USP8: variants seen among roughly 807,000 people sequenced by gnomAD.
USP8 encodes the protein ubiquitin specific peptidase 8.
Under a neutral mutation model 130.0 loss-of-function variants are expected in USP8, and 27 were observed. The ratio of observed to expected loss-of-function variants is 0.21; its 90% CI spans 0.15 to 0.29. USP8 has a LOEUF of 0.29. USP8 is among the 10% of genes least tolerant of loss of function. USP8 has a pLI of 1.00. For synonymous variants in USP8, 392 were observed against 444.1 expected (o/e 0.88, Z 1.48); for missense variants, 1,029 against 1,312.2 (o/e 0.78, Z 3.33).
rs373688387 is a variant in USP8, at chr15:50,471,766, C to G, written c.820C>G (p.Leu274Val). ...CAAAGATTTACAGATTGGAACAACT[C>G]TCCGGAGTCTGAAAGATGCACTTTT... ...SAKDLQIGTT[L>V]RSLKDALFKW... is the part of the protein sequence containing the mutation. Residue 274 changes from leucine (L) to valine (V), a missense_variant, in exon 8 of 20, where the codon CTC becomes GTC. Leu to Val is a conservative substitution (Grantham distance 32, BLOSUM62 1). Around this residue, in one of 4 missense-constraint regions of USP8, gnomAD observed 281 missense variants for 336.7 expected, o/e 0.83. Coordinates refer to ENST00000307179, the MANE Select transcript of USP8 (RefSeq NM_005154.5). 1.0e-4 allele frequency: 167 copies of G among 1,613,918 alleles called. No homozygotes were observed. The highest frequency in any genetic ancestry group is 1.3e-4 in the Non-Finnish European group (159 of 1,180,014).
Position 50,439,682 on chromosome 15 carries a change from C to T in USP8, c.104+505C>T, listed in dbSNP as rs188564837. ...GCGCACATCTGTAATCCCAGCTACT[C>T]GGGAGGCTGAGGCAAGAGAATTGCT... is the stretch of plus-strand genomic sequence containing the variant. On this transcript the variant is annotated intron_variant, in intron 2 of 19. Coordinates refer to ENST00000307179, the MANE Select transcript of USP8 (RefSeq NM_005154.5). Among the ~76,000 whole-genome samples the T allele has an allele frequency of 1.1e-3, 169 of 151,240 alleles. 5 individuals are homozygous for T. The East Asian group carries it at 0.032, about 28-fold the overall frequency.
Position 50,500,981 on chromosome 15 carries a change from A to G in USP8, c.*1893A>G. Reference sequence around the variant, plus strand: ...TGATAATTTTGTTGTTAAATCATGCATATAGCCTGACTGCTATATTGCTTC... The same window carrying G: ...TGATAATTTTGTTGTTAAATCATGCGTATAGCCTGACTGCTATATTGCTTC... On this transcript the variant is annotated 3_prime_UTR_variant, in exon 20 of 20. Coordinates refer to ENST00000307179, the MANE Select transcript of USP8 (RefSeq NM_005154.5). 1 of 675,186 alleles carries G rather than the reference A, an allele frequency of 1.5e-6. No homozygotes were observed. Among genetic ancestry groups the G allele is most frequent in the Admixed American group, 2.4e-5 (1 of 42,530 alleles). The allele number at this position is 675,186 out of a possible 1,614,324, so 41.8% of individuals were successfully genotyped here. A position where few individuals can be genotyped will look rare whatever the true frequency, so the allele number is the denominator to read the frequency against.
At chr15:50,497,011 G>C in intron 17 of USP8, 78 bp from the exon 18 acceptor site, 1 of 1,516,686 alleles carries the variant, frequency 6.6e-7, no homozygotes. Flanking sequence ...CCTGCAGAGT[G>C]ACTAACTAAA....
At chr15:50,471,602 T>C (rs766102364) in intron 7 of USP8, 31 bp from the exon 8 acceptor site, 105 of 1,601,844 alleles carry the variant, frequency 6.6e-5, no homozygotes, top group Non-Finnish European at 8.7e-5. Flanking sequence ...TTGTTGACTT[T>C]TGCCCCAATT....
At chr15:50,447,860 C>G (rs2050494772) in intron 3 of USP8, among the ~76,000 whole-genome samples, 1 of 151,864 alleles carries the variant, frequency 6.6e-6, no homozygotes, top group Non-Finnish European at 1.5e-5. Flanking sequence ...GCCTCTGCCT[C>G]CCTGAGAGCT....
chr15:50,458,221 G>A (rs913207728), intron 4 of USP8, among the ~76,000 whole-genome samples: 5 of 152,084 alleles, frequency 3.3e-5, no homozygotes, highest in African/African-American at 4.8e-5. Flanking sequence ...ACGTGATCTC[G>A]GCTCACTGCA....
intron 3 of USP8, chr15:50,444,639 G>A (rs982014921): frequency 9.2e-5 from 14 of 152,068 alleles, no homozygotes; most frequent in African/African-American, 3.4e-4. Context: ...CCCTGCAAAG[G>A]CTCAGGTAAC....
At chr15:50,461,218 C>T (rs895866375) in intron 5 of USP8, among the ~76,000 whole-genome samples, 1 of 151,988 alleles carries the variant, frequency 6.6e-6, no homozygotes, top group African/African-American at 2.4e-5. Flanking sequence ...TCTTGAACTC[C>T]CAACCTCAGG....
At chr15:50,492,282 TTTTG>T (rs924434107) in intron 14 of USP8, among the ~76,000 whole-genome samples, 7 of 152,182 alleles carry the variant, frequency 4.6e-5, no homozygotes, top group African/African-American at 1.7e-4. Flanking sequence ...GTATGGTTTT[TTTTG>T]TTTTTGTTTT....
rs1482213412 is a variant in USP8, at chr15:50,506,431, T to A, written c.*7343T>A. On this transcript the variant is annotated 3_prime_UTR_variant, in exon 20 of 20. Coordinates refer to ENST00000307179, the MANE Select transcript of USP8 (RefSeq NM_005154.5). Reference sequence around the variant, plus strand: ...GCCTGATTTTCTGAGGTGGAACAGTTTAATCCCAAAACCATGCCCGCCCCG... The same window carrying A: ...GCCTGATTTTCTGAGGTGGAACAGTATAATCCCAAAACCATGCCCGCCCCG... The A allele has an allele frequency of 6.6e-6, 1 of 152,112 alleles. No homozygotes were observed. The highest frequency in any genetic ancestry group is 1.5e-5 in the Non-Finnish European group (1 of 68,038). The allele number at this position is 152,112 out of a possible 1,614,324, so 9.4% of individuals were successfully genotyped here.
chr15:50,450,025 C>T (rs571644534), intron 4 of USP8, among the ~76,000 whole-genome samples: 1 of 150,878 alleles, frequency 6.6e-6, no homozygotes, highest in African/African-American at 2.4e-5. Flanking sequence ...TCCCGAGTAG[C>T]TGGGACTACA....
intron 17 of USP8, 114 bp from the exon 18 acceptor site, chr15:50,496,975 T>C: frequency 7.4e-7 from 1 of 1,343,102 alleles, no homozygotes; most frequent in Non-Finnish European, 1.0e-6. Context: ...AACTCTTTTG[T>C]GTAGATTGCT....
chr15:50,440,728 C>T (rs1322134857), intron 2 of USP8, among the ~76,000 whole-genome samples: 16 of 151,946 alleles, frequency 1.1e-4, no homozygotes, highest in Admixed American at 3.3e-4. Context: ...CTTGGCTAGG[C>T]GCGGTGGCTC....
chr15:50,465,664 C>T (rs901885876), intron 7 of USP8, among the ~76,000 whole-genome samples: 7 of 152,098 alleles, frequency 4.6e-5, no homozygotes, highest in Non-Finnish European at 1.0e-4. Flanking sequence ...GCATGTGAAT[C>T]GTATGTACCA....
Position 50,481,607 on chromosome 15 carries a change from G to A in USP8, c.1345G>A (p.Val449Ile). Residue 449 changes from valine to isoleucine, a missense_variant, in exon 11 of 20, where the codon GTA becomes ATA. Around this residue, in one of 4 missense-constraint regions of USP8, gnomAD observed 486 missense variants for 522.0 expected, o/e 0.93. Coordinates refer to ENST00000307179, the MANE Select transcript of USP8 (RefSeq NM_005154.5). ...KVIPDRSTKP[V>I]VFSPTLMLTD... ...TATTCCTGATCGTTCCACCAAGCCA[G>A]TAGTTTTTTCTCCAACTCTCATGTT... 1 of 1,614,078 alleles carries A rather than the reference G, an allele frequency of 6.2e-7. No individual in the cohort carries two copies. The highest frequency in any genetic ancestry group is 8.5e-7 in the Non-Finnish European group (1 of 1,179,998).
intron 17 of USP8, 59 bp downstream of exon 17, chr15:50,496,143 TA>T: frequency 1.5e-6 from 2 of 1,338,422 alleles, no homozygotes; most frequent in Non-Finnish European, 2.1e-6. Flanking sequence ...TTTTTATGGA[TA>T]TAGAGATGTA....
intron 14 of USP8, 104 bp from the exon 15 acceptor site, chr15:50,492,597 A>T: frequency 9.2e-7 from 1 of 1,089,188 alleles, no homozygotes; most frequent in East Asian, 2.4e-5. Context: ...TGTTTACAAG[A>T]TGCCTGTGGT....
At chr15:50,472,922 A>C (rs376810332) in intron 8 of USP8, among the ~76,000 whole-genome samples, 15 of 152,330 alleles carry the variant, frequency 9.8e-5, no homozygotes, top group East Asian at 9.6e-4. Context: ...CACACACACA[A>C]AAAAAGATTA....
Position 50,501,559 on chromosome 15 carries a change from G to T in USP8, c.*2471G>T, listed in dbSNP as rs1464795685. 1 of 151,194 alleles carries T rather than the reference G, an allele frequency of 6.6e-6. No homozygotes were observed. The allele number at this position is 151,194 out of a possible 1,614,324, so 9.4% of individuals were successfully genotyped here. Reference sequence around the variant, plus strand: ...GCCACAGAAGAGACATTTAACATTAGAATAAGGATCTTAACTGCATATTGC... The same window carrying T: ...GCCACAGAAGAGACATTTAACATTATAATAAGGATCTTAACTGCATATTGC... On this transcript the variant is annotated 3_prime_UTR_variant, in exon 20 of 20. Transcript: ENST00000307179.
Sources: gnomAD v4.1 joint callset for allele counts (sites outside exome capture counted in the v4.1 genomes callset) on GRCh38, gnomAD v4.1.1 for gene constraint, gnomAD v4.1.1 regional missense constraint, MANE v1.5 for transcripts, NCBI Gene and HGNC (gene_info 2026-07-23, HGNC 2026-07-21) for gene names.